The following NUP155 variants were observed in gnomAD, a reference collection of about 807,000 sequenced individuals.
The protein encoded by NUP155 is nuclear pore complex protein Nup155.
In NUP155, 71 loss-of-function variants were observed where a neutral mutation model predicts 180.4. The ratio of observed to expected loss-of-function variants is 0.39; its 90% CI spans 0.33 to 0.48. The LOEUF (loss-of-function observed/expected upper bound fraction) is 0.48. NUP155 is among the 20% of genes least tolerant of loss of function. The pLI is 0.91. For missense variants in NUP155, 1,553 were observed against 1,648.9 expected, an observed-to-expected ratio of 0.94 and a Z score of 1.01; for synonymous variants, 582 against 559.5, an observed-to-expected ratio of 1.04 and a Z score of -0.57.
chr5:37,307,943 A>G (rs577290554), intron 24 of NUP155, among the ~76,000 whole-genome samples: 1 of 33,250 alleles, frequency 3.0e-5, no homozygotes, highest in Non-Finnish European at 4.9e-5. Context: ...AAGAAAAAGG[A>G]AAAAAAAAAA....
At chr5:37,339,798 C>G (rs1745591915) in intron 11 of NUP155, among the ~76,000 whole-genome samples, 1 of 152,148 alleles carries the variant, frequency 6.6e-6, no homozygotes, top group South Asian at 2.1e-4. Context: ...GAGTCTTGCT[C>G]TGTCCCCCAT....
rs537529321 is a variant in NUP155, at chr5:37,325,892, C to T, written c.2091+9G>A. Reference sequence around the variant, plus strand: ...ACAAAAATAACAAAATAATATTATACACACTTACTGCAGTGATCTCTCTGT... The same window carrying T: ...ACAAAAATAACAAAATAATATTATATACACTTACTGCAGTGATCTCTCTGT... On this transcript the variant is annotated intron_variant, in intron 19 of 34. Coordinates refer to ENST00000231498, the MANE Select transcript of NUP155 (RefSeq NM_153485.3). The T allele has an allele frequency of 6.5e-4, 1,009 of 1,553,952 alleles. 17 individuals carry two copies. In the South Asian group the frequency reaches 0.011, roughly 17 times the overall value.
intron 1 of NUP155, among the ~76,000 whole-genome samples, chr5:37,367,084 C>T (rs748009524): frequency 2.0e-5 from 3 of 151,094 alleles, no homozygotes; most frequent in South Asian, 2.1e-4. Flanking sequence ...TTCACTCTGT[C>T]GCCTTGGCTG....
At chr5:37,295,397 C>T (rs972759012) in intron 32 of NUP155, among the ~76,000 whole-genome samples, 6 of 152,116 alleles carry the variant, frequency 3.9e-5, no homozygotes, top group African/African-American at 1.5e-4. Context: ...CGGCTCCCTA[C>T]AACATCCACC....
chr5:37,302,660 A>G, intron 29 of NUP155, 119 bp downstream of exon 29: 1 of 1,008,272 alleles, frequency 9.9e-7, no homozygotes, highest in Non-Finnish European at 1.5e-6. Flanking sequence ...AAACAGACAA[A>G]AGCAACTAGA....
intron 26 of NUP155, 96 bp from the exon 27 acceptor site, chr5:37,304,939 A>C (rs1268512923): frequency 5.3e-6 from 8 of 1,502,814 alleles, no homozygotes; most frequent in Non-Finnish European, 7.4e-6. Context: ...GAAATCAAGA[A>C]TCCTTACATG....
chr5:37,360,924 C>T (rs924496048), intron 3 of NUP155, among the ~76,000 whole-genome samples: 1 of 151,830 alleles, frequency 6.6e-6, no homozygotes, highest in Non-Finnish European at 1.5e-5. Flanking sequence ...AGGTATATAA[C>T]AAAAGTATAG....
In NUP155 at chr5:37,305,132, A is replaced by G; in HGVS notation, c.2982T>C (p.Ser994=). The G allele has an allele frequency of 1.2e-6, 2 of 1,613,968 alleles. 1 individual carries two copies. Among genetic ancestry groups the G allele is most frequent in the South Asian group, 2.2e-5 (2 of 91,066 alleles). The change falls in exon 26 of 35, where the codon AGT becomes AGC. Residue 994 remains serine (S), a synonymous_variant. Transcript: ENST00000231498. The part of the protein sequence containing the change: ...NQSKAAPQSP[S]VPKKPGPPVL... ...CTGGAGGACCAGGTTTTTTGGGTAC[A>G]CTGGGAGACTGAGGAGCGGCCTTAC...
At chr5:37,309,075 T>G in intron 24 of NUP155, 54 bp downstream of exon 24, 1 of 1,581,972 alleles carries the variant, frequency 6.3e-7, no homozygotes, top group Non-Finnish European at 8.7e-7. Flanking sequence ...ATTCATACAC[T>G]ATTGTTTGTC....
Position 37,328,541 on chromosome 5 carries a change from T to C in NUP155, c.1814-121A>G, listed in dbSNP as rs187454429. Reference sequence around the variant, plus strand: ...TTTTTTGAGGCAGGGTCTCTTTCTGTGGCCCAGGCTGGAGTGCAGTGGCAT... The same window carrying C: ...TTTTTTGAGGCAGGGTCTCTTTCTGCGGCCCAGGCTGGAGTGCAGTGGCAT... On this transcript the variant is annotated intron_variant, in intron 16 of 34. Coordinates refer to ENST00000231498, the MANE Select transcript of NUP155 (RefSeq NM_153485.3). 964 of 711,226 alleles carry C rather than the reference T, an allele frequency of 1.4e-3. 2 individuals carry two copies. Among genetic ancestry groups the C allele is most frequent in the Non-Finnish European group, 2.1e-3 (834 of 402,912 alleles). The allele number at this position is 711,226 out of a possible 1,614,324, so 44.1% of individuals were successfully genotyped here.
intron 11 of NUP155, among the ~76,000 whole-genome samples, chr5:37,338,830 AT>A (rs1041999386): frequency 2.0e-5 from 3 of 151,064 alleles, no homozygotes; most frequent in East Asian, 3.9e-4. Context: ...TCAGATAAAC[AT>A]TTTTTTTTCA....
rs1228690841 is a variant in NUP155 at position 37,291,711 on chromosome 5, T to TA, written c.*188dup. On this transcript the variant is annotated 3_prime_UTR_variant, in exon 35 of 35. Transcript: ENST00000231498. ...TTCAGTTGTTTTTTCACCCAATTACTAAAAAACAAAATAGTCATAAAAAAG... is the reference window on the plus strand; with the variant it reads ...TTCAGTTGTTTTTTCACCCAATTACTAAAAAAACAAAATAGTCATAAAAAAG... The TA allele has an allele frequency of 2.4e-5, 12 of 495,148 alleles. No individual in the cohort carries two copies. The highest frequency in any genetic ancestry group is 3.9e-5 in the Non-Finnish European group (11 of 280,614). 30.7% of individuals were successfully genotyped at this position (495,148 alleles called of 1,614,324 possible).
chr5:37,346,489 T>G (rs571927784), intron 9 of NUP155, among the ~76,000 whole-genome samples: 1 of 151,786 alleles, frequency 6.6e-6, no homozygotes, highest in African/African-American at 2.4e-5. Context: ...CTGGCCAACA[T>G]GGTGAAGCCC....
In NUP155 at chr5:37,367,535, C is replaced by CT. The variant is rs376801237; in HGVS notation, c.158-3152dup. Among the ~76,000 whole-genome samples the CT allele has an allele frequency of 1.8e-3, 247 of 135,638 alleles. 1 individual carries two copies. Among genetic ancestry groups the CT allele is most frequent in the Admixed American group, 4.3e-3 (58 of 13,406 alleles). The allele number at this position is 135,638 out of a possible 152,430, so 89.0% of individuals were successfully genotyped here. On this transcript the variant is annotated intron_variant, in intron 1 of 34. Transcript: ENST00000231498. Reference sequence around the variant, plus strand: ...CAGCCAAACAGCATTTTTCTTTTTCCTTTTTTTTTTTTTTTGAGACGGAGT... The same window carrying CT: ...CAGCCAAACAGCATTTTTCTTTTTCCTTTTTTTTTTTTTTTTGAGACGGAGT...
intron 12 of NUP155, among the ~76,000 whole-genome samples, chr5:37,336,897 C>A (rs1470363372): frequency 1.3e-5 from 2 of 152,118 alleles, no homozygotes; most frequent in Non-Finnish European, 2.9e-5. Flanking sequence ...TTAAGAACCA[C>A]CAAAGAACCA....
rs139411613 is a variant in NUP155, at chr5:37,329,394, T to C, written c.1725-116A>G. 2.4e-4 allele frequency: 184 copies of C among 761,348 alleles called. 1 individual carries two copies. The African/African-American group carries it at 2.8e-3, about 12-fold the overall frequency. 47.2% of individuals were successfully genotyped at this position (761,348 alleles called of 1,614,324 possible). A position where few individuals can be genotyped will look rare whatever the true frequency, so the allele number is the denominator to read the frequency against. On this transcript the variant is annotated intron_variant, in intron 15 of 34. Coordinates refer to ENST00000231498, the MANE Select transcript of NUP155 (RefSeq NM_153485.3). ...AGTAAATGCTTTAAACATTAGAGACTTCAATGTATTGTGCTGACAGTAAAG... is the reference window on the plus strand; with the variant it reads ...AGTAAATGCTTTAAACATTAGAGACCTCAATGTATTGTGCTGACAGTAAAG...
intron 33 of NUP155, among the ~76,000 whole-genome samples, chr5:37,294,023 A>AAAAAAAAAAAAAAAAAC (rs1561762459): frequency 1.3e-5 from 1 of 76,160 alleles, no homozygotes; most frequent in Non-Finnish European, 2.1e-5. Flanking sequence ...AAAAAAAAAA[A>AAAAAAAAAAAAAAAAAC]AAAAATAAAG....
chr5:37,364,152 A>G (rs1747396027), intron 2 of NUP155, 95 bp downstream of exon 2: 9 of 1,173,666 alleles, frequency 7.7e-6, no homozygotes, highest in Non-Finnish European at 1.1e-5. Flanking sequence ...CCTTAAATGA[A>G]TATATAACAC....
intron 11 of NUP155, among the ~76,000 whole-genome samples, chr5:37,339,930 T>C (rs766064377): frequency 2.0e-5 from 3 of 152,066 alleles, no homozygotes; most frequent in Non-Finnish European, 4.4e-5. Flanking sequence ...CCCGGCTAAT[T>C]TTTGTATTTT....
Sources: allele counts gnomAD v4.1 joint callset (sites outside exome capture counted in the v4.1 genomes callset), GRCh38; gene constraint gnomAD v4.1.1; transcripts MANE v1.5; gene names NCBI Gene and HGNC (gene_info 2026-07-23, HGNC 2026-07-21).